SNX25: variants seen among roughly 807,000 people sequenced by gnomAD.
SNX25 encodes sorting nexin 25.
SNX25 carries 62 observed loss-of-function variants against 113.7 expected under a neutral mutation model. That is an observed-to-expected ratio of 0.55 (90% CI 0.44 to 0.67). The LOEUF is 0.67. Among genes scored for constraint, SNX25 ranks in the 30% least tolerant of loss-of-function variants. The pLI is 0.00. For missense variants in SNX25, 1,014 were observed against 1,161.0 expected, an observed-to-expected ratio of 0.87 and a Z score of 1.84; for synonymous variants, 421 against 436.2, an observed-to-expected ratio of 0.97 and a Z score of 0.43.
chr4:185,209,588 G>A (rs1277151361), upstream of SNX25: 3 of 321,194 alleles, frequency 9.3e-6, no homozygotes, highest in African/African-American at 6.7e-5. The surrounding 1 kb of genome is among the most constrained non-coding windows in gnomAD (Gnocchi z 5.2). Context: ...CGTCAGGCTG[G>A]CCAGGCTTCA....
chr4:185,317,924 A>G (rs1015797559), intron 7 of SNX25, among the ~76,000 whole-genome samples: 1 of 152,218 alleles, frequency 6.6e-6, no homozygotes, highest in African/African-American at 2.4e-5. Flanking sequence ...CTGTTCATGT[A>G]TCCCAGAATT....
intron 1 of SNX25, among the ~76,000 whole-genome samples, chr4:185,221,425 G>A (rs1020815552): frequency 3.3e-5 from 5 of 152,002 alleles, no homozygotes; most frequent in Non-Finnish European, 5.9e-5. Context: ...TCCTCCCACC[G>A]TGGCCTCCCA....
intron 5 of SNX25, among the ~76,000 whole-genome samples, chr4:185,274,752 CT>C (rs1235590390): frequency 6.6e-6 from 1 of 152,178 alleles, no homozygotes; most frequent in African/African-American, 2.4e-5. Flanking sequence ...GTGTTGGATT[CT>C]TAATAATTAT....
chr4:185,231,037 A>G (rs999066053), intron 1 of SNX25, among the ~76,000 whole-genome samples: 2 of 151,778 alleles, frequency 1.3e-5, no homozygotes, highest in African/African-American at 4.8e-5. Flanking sequence ...AGTCCTCTCT[A>G]CTTAGTGGAA....
intron 6 of SNX25, among the ~76,000 whole-genome samples, chr4:185,302,939 C>A (rs1347715208): frequency 6.6e-6 from 1 of 152,222 alleles, no homozygotes; most frequent in African/African-American, 2.4e-5. Context: ...CGGGCACTTC[C>A]ATTGCACTCA....
chr4:185,376,551 C>T, the SNX25 span, among the ~76,000 whole-genome samples: 1 of 151,482 alleles, frequency 6.6e-6, no homozygotes, highest in Non-Finnish European at 1.5e-5. Flanking sequence ...GCCTCGGCCT[C>T]CCGAAGTACT....
At chr4:185,240,651 T>TG (rs1312330549) in intron 1 of SNX25, among the ~76,000 whole-genome samples, 2 of 144,002 alleles carry the variant, frequency 1.4e-5, no homozygotes, top group Non-Finnish European at 3.0e-5. Flanking sequence ...GGCGGGGGGC[T>TG]AACCCCCCCA....
chr4:185,353,487 G>T lies in SNX25; in HGVS notation c.2469G>T (p.Glu823Asp), dbSNP rs1246172415. The change falls in exon 15 of 19, where the codon GAG becomes GAT. Residue 823 changes from glutamate to aspartate, a missense_variant and splice_region_variant. By Grantham distance (45) the Glu-to-Asp change is conservative. Transcript: ENST00000652585. ...LPRDFFSHQEEETEEDSDLSD... is the reference protein window; with the variant it reads ...LPRDFFSHQEDETEEDSDLSD... Reference sequence around the variant, plus strand: ...CTATGACTTTGCTGTATTCCCAGGAGGAGACAGAGGAGGACAGTGACCTGT... The same window carrying T: ...CTATGACTTTGCTGTATTCCCAGGATGAGACAGAGGAGGACAGTGACCTGT... 1 of 1,612,756 alleles carries T rather than the reference G, an allele frequency of 6.2e-7. No homozygotes were observed. Among genetic ancestry groups the T allele is most frequent in the Admixed American group, 1.7e-5 (1 of 60,002 alleles).
chr4:185,222,442 C>T (rs1402552502), intron 1 of SNX25, among the ~76,000 whole-genome samples: 1 of 151,644 alleles, frequency 6.6e-6, no homozygotes, highest in Non-Finnish European at 1.5e-5. Flanking sequence ...GCCCTATACC[C>T]CTCCCTCGCG....
intron 7 of SNX25, among the ~76,000 whole-genome samples, chr4:185,319,825 A>G (rs1363973109): frequency 6.6e-6 from 1 of 152,200 alleles, no homozygotes; most frequent in Non-Finnish European, 1.5e-5. Flanking sequence ...ATTTCAGTTT[A>G]CCAGGAGTAC....
chr4:185,287,526 G>C (rs1343870814), intron 5 of SNX25, among the ~76,000 whole-genome samples: 1 of 150,684 alleles, frequency 6.6e-6, no homozygotes, highest in Non-Finnish European at 1.5e-5. Context: ...GTTCTACTTG[G>C]CACCGCCCGG....
In SNX25 at chr4:185,259,972, A is replaced by G. The variant is rs568578978; in HGVS notation, c.731+908A>G. The stretch of plus-strand genomic sequence containing the variant: ...TCCCTCCCTCAGGTTTACGAGGCCA[A>G]AATCCACAGAGCCGTGACATGCCCA... On this transcript the variant is annotated intron_variant, in intron 3 of 18. Transcript: ENST00000652585. 5.9e-5 allele frequency among the ~76,000 whole-genome samples: 9 copies of G among 152,256 alleles called. No homozygotes were observed. In the South Asian group the frequency reaches 1.0e-3, roughly 18 times the overall value.
downstream of SNX25, chr4:185,373,080 C>T (rs1268876732): frequency 1.9e-6 from 3 of 1,603,164 alleles, no homozygotes; most frequent in African/African-American, 4.0e-5. Flanking sequence ...AGTAAAATGC[C>T]TAAGAAAAGC....
chr4:185,233,590 T>G (rs1742175176), intron 1 of SNX25, among the ~76,000 whole-genome samples: 1 of 152,192 alleles, frequency 6.6e-6, no homozygotes, highest in Admixed American at 6.5e-5. Flanking sequence ...CCAGTTTGCT[T>G]TTCTTCATTC....
At chr4:185,317,126 A>G (rs1206933740) in intron 7 of SNX25, among the ~76,000 whole-genome samples, 1 of 152,234 alleles carries the variant, frequency 6.6e-6, no homozygotes, top group Non-Finnish European at 1.5e-5. Context: ...CAAATTTACA[A>G]GAAAAAAACA....
At chr4:185,290,139 C>T (rs1178180923) in intron 6 of SNX25, among the ~76,000 whole-genome samples, 1 of 152,170 alleles carries the variant, frequency 6.6e-6, no homozygotes, top group Admixed American at 6.5e-5. Context: ...CTAATGACTT[C>T]ATTTTAACTT....
chr4:185,207,977 A>C (rs546190565), upstream of SNX25, among the ~76,000 whole-genome samples: 23 of 152,378 alleles, frequency 1.5e-4, no homozygotes, highest in African/African-American at 5.3e-4. Context: ...GTTGTTGTTG[A>C]TAACAAGCCA....
downstream of SNX25, among the ~76,000 whole-genome samples, chr4:185,372,407 T>C (rs1302962521): frequency 6.6e-6 from 1 of 152,220 alleles, no homozygotes; most frequent in Admixed American, 6.5e-5. Flanking sequence ...AAAAGTTTAG[T>C]GCTAAGTTGC....
chr4:185,212,491 G>GTGTGTGTGTGTGTGTTTTTGTTT, intron 1 of SNX25, among the ~76,000 whole-genome samples: 1 of 104,940 alleles, frequency 9.5e-6, no homozygotes, highest in East Asian at 2.7e-4. Flanking sequence ...GTGTGTGTGT[G>GTGTGTGTGTGTGTGTTTTTGTTT]TTTTTTTTTT....
Sources: gnomAD v4.1 joint callset for allele counts (sites outside exome capture counted in the v4.1 genomes callset) on GRCh38, gnomAD v4.1.1 for gene constraint, Gnocchi (gnomAD v3.1) non-coding constraint, MANE v1.5 for transcripts, NCBI Gene and HGNC (gene_info 2026-07-23, HGNC 2026-07-21) for gene names.